The following EEFSEC variants were observed in gnomAD, a reference collection of about 807,000 sequenced individuals.
EEFSEC encodes eukaryotic elongation factor, selenocysteine-tRNA specific, also known as selenocysteine-specific elongation factor.
EEFSEC carries 43 observed loss-of-function variants against 42.1 expected under a neutral mutation model. That is an observed-to-expected ratio of 1.02 (90% CI 0.80 to 1.32). The LOEUF is 1.32. Ranked by LOEUF, EEFSEC falls within the 40% of genes most tolerant of loss-of-function variation. The pLI, the probability that EEFSEC is intolerant of heterozygous loss-of-function variation, is 0.00. For missense variants in EEFSEC, 745 were observed against 803.6 expected, an observed-to-expected ratio of 0.93 and a Z score of 0.88; for synonymous variants, 354 against 339.1, an observed-to-expected ratio of 1.04 and a Z score of -0.48.
At chr3:128,307,178 CT>C (rs955864321) in intron 4 of EEFSEC, among the ~76,000 whole-genome samples, 1 of 152,262 alleles carries the variant, frequency 6.6e-6, no homozygotes, top group African/African-American at 2.4e-5. Context: ...CCTCTCCAAG[CT>C]TTTCCCAAGG....
At chr3:128,282,633 G>A (rs1218001440) in intron 4 of EEFSEC, among the ~76,000 whole-genome samples, 1 of 152,192 alleles carries the variant, frequency 6.6e-6, no homozygotes, top group Non-Finnish European at 1.5e-5. Flanking sequence ...AAGGGGGACT[G>A]GGGAAGCTGC....
intron 1 of EEFSEC, among the ~76,000 whole-genome samples, chr3:128,198,598 G>T (rs761677027): frequency 8.5e-5 from 13 of 152,186 alleles, no homozygotes; most frequent in Non-Finnish European, 1.9e-4. Context: ...TGGCTGACAG[G>T]GAGCATTAGG....
chr3:128,424,409 TCTCA>T, the EEFSEC span, among the ~76,000 whole-genome samples: 1 of 152,210 alleles, frequency 6.6e-6, no homozygotes, highest in Non-Finnish European at 1.5e-5. Flanking sequence ...TTTTAGGCAG[TCTCA>T]CTCTGTCACC....
intron 6 of EEFSEC, among the ~76,000 whole-genome samples, chr3:128,371,345 G>A (rs2067651794): frequency 6.6e-6 from 1 of 152,276 alleles, no homozygotes; most frequent in South Asian, 2.1e-4. Flanking sequence ...TGACACTGGG[G>A]CTGGACCATC....
chr3:128,367,645 AT>A, intron 6 of EEFSEC: 1 of 985,412 alleles, frequency 1.0e-6, no homozygotes, highest in African/African-American at 1.7e-5. Flanking sequence ...TAGGCTGCCG[AT>A]TATGGACTTA....
chr3:128,341,905 C>A lies in EEFSEC; in HGVS notation c.1443+16C>A. ...TGTGGAGCGGGTGAGCATGCCCTTGCCTGGCCCCACACCCCTTCCCTTCTT... is the reference window on the plus strand; with the variant it reads ...TGTGGAGCGGGTGAGCATGCCCTTGACTGGCCCCACACCCCTTCCCTTCTT... On this transcript the variant is annotated intron_variant, in intron 5 of 6. Transcript: ENST00000254730. 6.2e-7 allele frequency: 1 copy of A among 1,604,934 alleles called. No individual in the cohort carries two copies.
chr3:128,391,545 C>T (rs2067913144), intron 6 of EEFSEC, among the ~76,000 whole-genome samples: 1 of 152,220 alleles, frequency 6.6e-6, no homozygotes, highest in Admixed American at 6.5e-5. Flanking sequence ...GGAGTCCAGG[C>T]ATGGCAGGAG....
At chr3:128,225,364 A>C (rs2107854967) in intron 1 of EEFSEC, among the ~76,000 whole-genome samples, 1 of 152,322 alleles carries the variant, frequency 6.6e-6, no homozygotes, top group Middle Eastern at 3.4e-3. Flanking sequence ...GGCAGTGCCA[A>C]GGCCCCCTAC....
intron 4 of EEFSEC, among the ~76,000 whole-genome samples, chr3:128,309,831 C>T (rs2066871731): frequency 6.6e-6 from 1 of 152,188 alleles, no homozygotes; most frequent in African/African-American, 2.4e-5. Context: ...ATTCTTGGCG[C>T]CCACTCTGGG....
At chr3:128,191,833 C>A (rs2065528036) in intron 1 of EEFSEC, among the ~76,000 whole-genome samples, 2 of 152,100 alleles carry the variant, frequency 1.3e-5, no homozygotes, top group South Asian at 4.2e-4. Context: ...TATCGATAGA[C>A]CACATTTTGT....
intron 5 of EEFSEC, among the ~76,000 whole-genome samples, chr3:128,354,687 G>T (rs1380195964): frequency 6.6e-6 from 1 of 152,244 alleles, no homozygotes; most frequent in African/African-American, 2.4e-5. Flanking sequence ...TGCCCTCATT[G>T]CAAGACCCTG....
At chr3:128,250,911 G>GTTTTTTTTTTTTT (rs35594175) in intron 2 of EEFSEC, among the ~76,000 whole-genome samples, 12 of 108,568 alleles carry the variant, frequency 1.1e-4, no homozygotes, top group South Asian at 3.2e-4. Context: ...GTTTTTTTTG[G>GTTTTTTTTTTTTT]TTTTTTTTTT....
chr3:128,418,244 G>A, the EEFSEC span, among the ~76,000 whole-genome samples: 1 of 151,920 alleles, frequency 6.6e-6, no homozygotes, highest in Non-Finnish European at 1.5e-5. Context: ...CGGCCCCTCG[G>A]TAAGTGCAGT....
At chr3:128,162,116 T>C (rs1025551247) in intron 1 of EEFSEC, among the ~76,000 whole-genome samples, 1 of 152,274 alleles carries the variant, frequency 6.6e-6, no homozygotes, top group Non-Finnish European at 1.5e-5. Context: ...GAAGGAGTTC[T>C]AAGTGGAAAT....
At chr3:128,159,098 A>G (rs1441686144) in intron 1 of EEFSEC, among the ~76,000 whole-genome samples, 4 of 152,190 alleles carry the variant, frequency 2.6e-5, no homozygotes, top group African/African-American at 7.2e-5. Flanking sequence ...GGGAATTGAG[A>G]AAAAACAATG....
Position 128,153,659 on chromosome 3 carries a change from TG to T in EEFSEC, c.155del (p.Gly52AlafsTer61). 1 of 1,598,692 alleles carries T rather than the reference TG, an allele frequency of 6.3e-7. No individual in the cohort carries two copies. On this transcript the variant is annotated frameshift_variant, in exon 1 of 7. Transcript: ENST00000254730. LOFTEE classifies it high-confidence loss of function. ...CGCGAGCGCGGCATCACGCTCGATC[TG>T]GGCTTCTCGTGCTTCTCGGTGCCGC... is the stretch of plus-strand genomic sequence containing the variant. ...QSRERGITLDLGFSCFSVPLP... is the reference protein window; with the variant it reads ...QSRERGITLDXGFSCFSVPLP...
intron 4 of EEFSEC, among the ~76,000 whole-genome samples, chr3:128,340,592 G>A (rs1054531110): frequency 6.6e-6 from 1 of 152,120 alleles, no homozygotes; most frequent in Non-Finnish European, 1.5e-5. Flanking sequence ...TTGAATGAAT[G>A]AAGAGAGATC....
intron 1 of EEFSEC, among the ~76,000 whole-genome samples, chr3:128,192,080 T>C (rs939018044): frequency 1.2e-4 from 19 of 152,132 alleles, no homozygotes; most frequent in African/African-American, 4.3e-4. Flanking sequence ...AAGAAAAATA[T>C]TAAGTAATAT....
At chr3:128,292,034 A>C (rs1021401097) in intron 4 of EEFSEC, among the ~76,000 whole-genome samples, 3 of 152,048 alleles carry the variant, frequency 2.0e-5, no homozygotes, top group African/African-American at 7.2e-5. Context: ...GCTTCTATTA[A>C]ATTATTATAT....
Sources: gnomAD v4.1 joint callset for allele counts (sites outside exome capture counted in the v4.1 genomes callset) on GRCh38, gnomAD v4.1.1 for gene constraint, MANE v1.5 for transcripts, NCBI Gene and HGNC (gene_info 2026-07-23, HGNC 2026-07-21) for gene names.